The following TP63 variants were observed in gnomAD, a reference collection of about 807,000 sequenced individuals.
TP63 encodes the protein tumor protein p63, also known as tumor protein 63.
TP63 carries 17 observed loss-of-function variants against 82.8 expected under a neutral mutation model. The observed-to-expected ratio is 0.21, with a 90% CI of 0.14 to 0.31. The LOEUF (loss-of-function observed/expected upper bound fraction) is 0.31. TP63 is among the 10% of genes least tolerant of loss of function. The pLI is 1.00. For missense variants in TP63, 648 were observed against 895.3 expected, an observed-to-expected ratio of 0.72 and a Z score of 3.52; for synonymous variants, 330 against 321.7, an observed-to-expected ratio of 1.03 and a Z score of -0.28.
In TP63 at chr3:189,737,722, C is replaced by T; in HGVS notation, c.63-18C>T. The stretch of plus-strand genomic sequence containing the variant: ...AATACAGAAAGTATAATACTAGTTT[C>T]ATTTTTGTCCTTTTAAGTTTCGTAG... On this transcript the variant is annotated intron_variant, in intron 1 of 13. Coordinates refer to ENST00000264731, the MANE Select transcript of TP63 (RefSeq NM_003722.5). The T allele has an allele frequency of 6.2e-7, 1 of 1,612,980 alleles. No homozygotes were observed. Among genetic ancestry groups the T allele is most frequent in the Non-Finnish European group, 8.5e-7 (1 of 1,179,076 alleles).
At chr3:189,716,995 A>G (rs1399356383) in intron 1 of TP63, among the ~76,000 whole-genome samples, 1 of 152,062 alleles carries the variant, frequency 6.6e-6, no homozygotes, top group East Asian at 1.9e-4. Context: ...ACTGGGTTTC[A>G]CCATGTTGAC....
the TP63 span, among the ~76,000 whole-genome samples, chr3:189,609,223 CATGTAACATAGA>C: frequency 6.6e-6 from 1 of 152,120 alleles, no homozygotes; most frequent in Non-Finnish European, 1.5e-5. Context: ...GGATGAGTTT[CATGTAACATAGA>C]CAAATTGTCA....
chr3:189,836,685 G>T (rs1432333654), intron 4 of TP63, among the ~76,000 whole-genome samples: 1 of 152,066 alleles, frequency 6.6e-6, no homozygotes, highest in Admixed American at 6.5e-5. Context: ...CCCCATCAGT[G>T]CTCCTAGACA....
intron 1 of TP63, among the ~76,000 whole-genome samples, chr3:189,646,684 A>G (rs1226285757): frequency 2.7e-5 from 4 of 147,090 alleles, no homozygotes; most frequent in Admixed American, 2.7e-4. Flanking sequence ...GATATAAGGC[A>G]GGTGGGAATC....
At chr3:189,677,165 T>A (rs1040662602) in intron 1 of TP63, among the ~76,000 whole-genome samples, 3 of 151,632 alleles carry the variant, frequency 2.0e-5, no homozygotes, top group African/African-American at 7.3e-5. Flanking sequence ...ATTTCATTCT[T>A]TTTATGGTTG....
chr3:189,724,729 T>TC (rs1719643677), intron 1 of TP63, among the ~76,000 whole-genome samples: 1 of 152,222 alleles, frequency 6.6e-6, no homozygotes. Context: ...TCAAATCCCC[T>TC]CCATCTCCTC....
intron 1 of TP63, among the ~76,000 whole-genome samples, chr3:189,713,205 T>C (rs1201413646): frequency 1.3e-5 from 2 of 152,216 alleles, no homozygotes; most frequent in African/African-American, 4.8e-5. Flanking sequence ...TTCTGTTTAT[T>C]CTGTGTATTT....
chr3:189,626,044 T>G, the TP63 span, among the ~76,000 whole-genome samples: 1 of 152,182 alleles, frequency 6.6e-6, no homozygotes, highest in Non-Finnish European at 1.5e-5. Context: ...TGAAGAGAGA[T>G]GGAGGTCAAA....
At chr3:189,770,307 G>C (rs1191094963) in intron 3 of TP63, among the ~76,000 whole-genome samples, 2 of 152,144 alleles carry the variant, frequency 1.3e-5, no homozygotes, top group African/African-American at 4.8e-5. Context: ...GGCCGGGTAT[G>C]GTGACTCATG....
chr3:189,860,891 T>A (rs1472450786), intron 4 of TP63, among the ~76,000 whole-genome samples: 1 of 152,230 alleles, frequency 6.6e-6, no homozygotes, highest in Non-Finnish European at 1.5e-5. Context: ...ATGTTCAGTA[T>A]TGTTACATGA....
At chr3:189,649,648 G>A (rs1452167643) in intron 1 of TP63, among the ~76,000 whole-genome samples, 1 of 147,030 alleles carries the variant, frequency 6.8e-6, no homozygotes, top group Non-Finnish European at 1.5e-5. Flanking sequence ...GGAAAACAGT[G>A]CTATATTAAC....
intron 12 of TP63, 140 bp from the exon 13 acceptor site, chr3:189,890,649 C>T (rs980388092): frequency 1.4e-6 from 1 of 712,294 alleles, no homozygotes; most frequent in Non-Finnish European, 2.5e-6. Context: ...TTAAGGCCCA[C>T]ATATATATTA....
chr3:189,842,419 A>G (rs1157866903), intron 4 of TP63, among the ~76,000 whole-genome samples: 1 of 152,066 alleles, frequency 6.6e-6, no homozygotes, highest in Non-Finnish European at 1.5e-5. Context: ...CTGGTGTGAT[A>G]TTTTCTCTGG....
At chr3:189,840,880 AAC>A (rs1714013208) in intron 4 of TP63, among the ~76,000 whole-genome samples, 1 of 146,966 alleles carries the variant, frequency 6.8e-6, no homozygotes, top group African/African-American at 2.5e-5. Context: ...AAAAAAAAAC[AAC>A]TATTCAAGGT....
chr3:189,731,096 G>T (rs554510878), intron 1 of TP63, among the ~76,000 whole-genome samples: 1 of 152,046 alleles, frequency 6.6e-6, no homozygotes, highest in African/African-American at 2.4e-5. Context: ...TAATCCCAGC[G>T]CTCTGGGAAG....
intron 3 of TP63, among the ~76,000 whole-genome samples, chr3:189,797,509 T>C (rs985604070): frequency 6.6e-6 from 1 of 152,092 alleles, no homozygotes; most frequent in Non-Finnish European, 1.5e-5. Flanking sequence ...ATGCCCTGTT[T>C]ACTCAAATCA....
the TP63 span, among the ~76,000 whole-genome samples, chr3:189,615,835 G>A: frequency 1.3e-5 from 2 of 152,146 alleles, no homozygotes; most frequent in East Asian, 3.9e-4. Context: ...TTCCAATGCT[G>A]TCCTCAGATG....
intron 4 of TP63, among the ~76,000 whole-genome samples, chr3:189,863,125 C>A (rs1442266200): frequency 6.6e-6 from 1 of 152,192 alleles, no homozygotes; most frequent in Non-Finnish European, 1.5e-5. Context: ...TCTGCCCCCC[C>A]ACCATCTTTC....
intron 3 of TP63, among the ~76,000 whole-genome samples, chr3:189,784,785 A>G (rs1724475524): frequency 6.6e-6 from 1 of 152,090 alleles, no homozygotes; most frequent in Non-Finnish European, 1.5e-5. Context: ...ACTTAGCCTC[A>G]GACTAAAAAT....
Sources: allele counts gnomAD v4.1 joint callset (sites outside exome capture counted in the v4.1 genomes callset), GRCh38; gene constraint gnomAD v4.1.1; transcripts MANE v1.5; gene names NCBI Gene and HGNC (gene_info 2026-07-23, HGNC 2026-07-21).